Variants in MTUS1 observed in about 807,000 individuals in gnomAD.
MTUS1 encodes microtubule-associated tumor suppressor 1.
In MTUS1, 109 loss-of-function variants were observed where a neutral mutation model predicts 120.8. That is an observed-to-expected ratio of 0.90 (90% CI 0.77 to 1.06). MTUS1 has a LOEUF of 1.06. Ranked by LOEUF, MTUS1 falls within the 50% of genes least tolerant of loss-of-function variation. MTUS1 has a pLI of 0.00. For missense variants in MTUS1, 2,210 were observed against 1,486.3 expected (o/e 1.49, Z -8.01); for synonymous variants, 737 against 550.5 (o/e 1.34, Z -4.74).
chr8:17,784,845 T>TATTGAG (rs893276036), intron 1 of MTUS1, among the ~76,000 whole-genome samples: 16 of 151,598 alleles, frequency 1.1e-4, no homozygotes, highest in African/African-American at 3.6e-4. Context: ...AGTACAGTGG[T>TATTGAG]GCAATCTTGG....
At chr8:17,681,288 A>G (rs1342177718) in intron 7 of MTUS1, among the ~76,000 whole-genome samples, 1 of 152,130 alleles carries the variant, frequency 6.6e-6, no homozygotes. Flanking sequence ...ATTAAATGCA[A>G]GTGGTGATGT....
chr8:17,743,827 A>C, intron 2 of MTUS1, 28 bp from the exon 3 acceptor site: 43 of 1,591,984 alleles, frequency 2.7e-5, no homozygotes, highest in Non-Finnish European at 3.7e-5. Flanking sequence ...AAGACTGTAA[A>C]CCAAAACTAA....
chr8:17,723,422 A>C, intron 4 of MTUS1: 1 of 526,978 alleles, frequency 1.9e-6, no homozygotes, highest in Non-Finnish European at 3.4e-6. Context: ...TTAAACCTCC[A>C]AAACACCATC....
chr8:17,755,803 G>A lies in MTUS1; in HGVS notation c.5C>T (p.Thr2Ile). 6.2e-7 allele frequency: 1 copy of A among 1,611,996 alleles called. No individual in the cohort carries two copies. Among genetic ancestry groups the A allele is most frequent in the East Asian group, 2.2e-5 (1 of 44,872 alleles). The change falls in exon 2 of 15, where the codon ACT (threonine) becomes ATT (isoleucine). Residue 2 changes from threonine (T) to isoleucine (I), a missense_variant. Coordinates refer to ENST00000693296, the MANE Select transcript of MTUS1 (RefSeq NM_001363059.2). M[T>I]DDNSDDKIED... ...TATTTTATCATCTGAATTATCATCA[G>A]TCATCCTGAATAGTAACCTTAAACC...
rs138841673 is a variant in MTUS1, at chr8:17,699,197, C to G, written c.2623+14017G>C. 5.3e-3 allele frequency among the ~76,000 whole-genome samples: 811 copies of G among 152,142 alleles called. 9 individuals carry two copies. Among genetic ancestry groups the G allele is most frequent in the African/African-American group, 0.016 (684 of 41,514 alleles). ...GTTGTTTCTTCAGTAACAGCAAATTCTAAATTATCCTTTTTTGTTTGTTTT... is the reference window on the plus strand; with the variant it reads ...GTTGTTTCTTCAGTAACAGCAAATTGTAAATTATCCTTTTTTGTTTGTTTT... On this transcript the variant is annotated intron_variant, in intron 6 of 14. Coordinates refer to ENST00000693296, the MANE Select transcript of MTUS1 (RefSeq NM_001363059.2).
intron 6 of MTUS1, chr8:17,697,458 T>G (rs1302973054): frequency 4.0e-6 from 6 of 1,518,224 alleles, no homozygotes; most frequent in Non-Finnish European, 5.3e-6. Context: ...AACTCAGTAC[T>G]CTTCAAGGCC....
intron 6 of MTUS1, among the ~76,000 whole-genome samples, chr8:17,707,948 T>C (rs1563240734): frequency 6.6e-6 from 1 of 152,160 alleles, no homozygotes; most frequent in African/African-American, 2.4e-5. Flanking sequence ...CATATAAAAA[T>C]GTAACTCAAA....
At chr8:17,699,231 T>C (rs1375502205) in intron 6 of MTUS1, among the ~76,000 whole-genome samples, 2 of 152,206 alleles carry the variant, frequency 1.3e-5, no homozygotes, top group African/African-American at 4.8e-5. Context: ...TTTGTTTGTT[T>C]TTTGAGATGG....
At chr8:17,676,392 C>T (rs959857686) in intron 7 of MTUS1, 10 of 701,198 alleles carry the variant, frequency 1.4e-5, no homozygotes, top group East Asian at 2.7e-5. Flanking sequence ...TACAGGTGGC[C>T]GCGCCACCCA....
At position 17,684,478 on chromosome 8, in the gene MTUS1, C is replaced by T. The variant is rs370795473; in HGVS notation, c.2688G>A (p.Ala896=). Residue 896 remains alanine, a synonymous_variant, in exon 7 of 15, where the codon GCG becomes GCA. Transcript: ENST00000693296. ...LCIQPQTAPD[A]LPPEKTLELT... is the part of the protein sequence containing the mutation. ...ATTCAAGTGTTTTCTCAGGGGGCAG[C>T]GCATCGGGAGCTGTCTGTGGCTGGA... The T allele has an allele frequency of 6.4e-5, 104 of 1,614,022 alleles. No homozygotes were observed. The highest frequency in any genetic ancestry group is 4.7e-4 in the East Asian group (21 of 44,890).
At chr8:17,724,324 T>C (rs1388420489) in intron 3 of MTUS1, among the ~76,000 whole-genome samples, 4 of 152,168 alleles carry the variant, frequency 2.6e-5, no homozygotes, top group Admixed American at 2.6e-4. Flanking sequence ...CACTCATTTA[T>C]ACACAGAAAA....
At position 17,655,989 on chromosome 8, in the gene MTUS1, C is replaced by G; in HGVS notation, c.2982G>C (p.Gln994His). ...ELQTVYEAFV[Q>H]QHQAEKTERE... ...GTTCTGTTTTTTCAGCCTGGTGCTG[C>G]TGGACGAATGCTTCATACACTGTTT... The change falls in exon 9 of 15, where the codon CAG (glutamine) becomes CAC (histidine). Residue 994 changes from glutamine to histidine, a missense_variant. Transcript: ENST00000693296. 1 of 1,614,218 alleles carries G rather than the reference C, an allele frequency of 6.2e-7. No individual in the cohort carries two copies.
intron 7 of MTUS1, among the ~76,000 whole-genome samples, chr8:17,679,074 C>G (rs2130702102): frequency 6.6e-6 from 1 of 152,224 alleles, no homozygotes; most frequent in South Asian, 2.1e-4. Context: ...CAGTGGGAAA[C>G]TTATAGTTAC....
intron 1 of MTUS1, among the ~76,000 whole-genome samples, chr8:17,772,021 G>A (rs1216603273): frequency 1.3e-5 from 2 of 152,174 alleles, no homozygotes; most frequent in African/African-American, 2.4e-5. Context: ...TAGTGGCCTG[G>A]ATGACTTTTA....
In MTUS1 at chr8:17,793,145, G is replaced by A. The variant is rs572108086; in HGVS notation, c.-155+7916C>T. ...ATTGTCAACTTGCGATTGTCTGCAC[G>A]AATAGGGAATGTCATAAATCATGAG... On this transcript the variant is annotated intron_variant, in intron 1 of 14. Coordinates refer to ENST00000693296, the MANE Select transcript of MTUS1 (RefSeq NM_001363059.2). Among the ~76,000 whole-genome samples, 97 of 152,308 alleles carry A rather than the reference G, an allele frequency of 6.4e-4. No individual in the cohort carries two copies. In the Middle Eastern group the frequency reaches 0.017, roughly 27 times the overall value.
At position 17,645,805 on chromosome 8, in the gene MTUS1, G is replaced by A; in HGVS notation, c.*121C>T. 7.7e-7 allele frequency: 1 copy of A among 1,303,932 alleles called. No homozygotes were observed. The highest frequency in any genetic ancestry group is 1.0e-6 in the Non-Finnish European group (1 of 997,870). 80.8% of individuals were successfully genotyped at this position (1,303,932 alleles called of 1,614,324 possible). A position where few individuals can be genotyped will look rare whatever the true frequency, so the allele number is the denominator to read the frequency against. ...CGATTCCGCCGGTGGTGACGCTCCA[G>A]TTACCCTACGGTGATCACACGTGTG... On this transcript the variant is annotated 3_prime_UTR_variant, in exon 15 of 15. Transcript: ENST00000693296.
chr8:17,786,619 G>T (rs1056668659), intron 1 of MTUS1, among the ~76,000 whole-genome samples: 3 of 152,150 alleles, frequency 2.0e-5, no homozygotes, highest in African/African-American at 7.2e-5. Context: ...GTGAAATGAG[G>T]ATGTGTGAGG....
intron 2 of MTUS1, among the ~76,000 whole-genome samples, chr8:17,749,835 C>T (rs1247802916): frequency 1.3e-5 from 2 of 152,078 alleles, no homozygotes; most frequent in East Asian, 1.9e-4. Context: ...AGCTGTACCT[C>T]GATCACCTTA....
chr8:17,766,630 C>T (rs972180569), intron 1 of MTUS1, among the ~76,000 whole-genome samples: 1 of 152,184 alleles, frequency 6.6e-6, no homozygotes, highest in Non-Finnish European at 1.5e-5. Context: ...ATGGCAGGAG[C>T]CTGTGTAAGA....
Sources: allele counts gnomAD v4.1 joint callset (sites outside exome capture counted in the v4.1 genomes callset), GRCh38; gene constraint gnomAD v4.1.1; transcripts MANE v1.5; gene names NCBI Gene and HGNC (gene_info 2026-07-23, HGNC 2026-07-21).